The following ZFAND6 variants were observed in gnomAD, a reference collection of about 807,000 sequenced individuals.
ZFAND6 encodes AN1-type zinc finger protein 6.
A neutral mutation model predicts 24.5 loss-of-function variants in ZFAND6; 12 were observed. The ratio of observed to expected loss-of-function variants is 0.49; its 90% CI spans 0.31 to 0.79. ZFAND6 has a LOEUF of 0.79. Ranked by LOEUF, ZFAND6 falls within the 30% of genes least tolerant of loss-of-function variation. The pLI, the probability that ZFAND6 is intolerant of heterozygous loss-of-function variation, is 0.04. For synonymous variants in ZFAND6, 92 were observed against 81.5 expected, an observed-to-expected ratio of 1.13 and a Z score of -0.69; for missense variants, 207 against 245.9, an observed-to-expected ratio of 0.84 and a Z score of 1.06.
At chr15:80,092,681 C>T (rs544373245) in intron 1 of ZFAND6, among the ~76,000 whole-genome samples, 1 of 152,188 alleles carries the variant, frequency 6.6e-6, no homozygotes, top group South Asian at 2.1e-4. Flanking sequence ...TGAATGGGTT[C>T]ATTGACGGTG....
chr15:80,093,228 G>A (rs1306447851), intron 1 of ZFAND6, among the ~76,000 whole-genome samples: 1 of 151,384 alleles, frequency 6.6e-6, no homozygotes, highest in African/African-American at 2.4e-5. Context: ...GCCTCCCAAA[G>A]TACTGGGATT....
At chr15:80,102,299 A>G (rs561495727) in intron 2 of ZFAND6, among the ~76,000 whole-genome samples, 161 of 151,702 alleles carry the variant, frequency 1.1e-3, no homozygotes, top group African/African-American at 3.7e-3. Context: ...AGTAGAGACA[A>G]AGTTTTACCA....
At chr15:80,105,624 T>G (rs2039280683) in intron 2 of ZFAND6, among the ~76,000 whole-genome samples, 2 of 152,232 alleles carry the variant, frequency 1.3e-5, no homozygotes, top group Non-Finnish European at 1.5e-5. Context: ...GCATCATAAC[T>G]ATCTTAAATG....
At chr15:80,086,468 T>C (rs942016824) in intron 1 of ZFAND6, among the ~76,000 whole-genome samples, 12 of 152,256 alleles carry the variant, frequency 7.9e-5, no homozygotes, top group Non-Finnish European at 1.8e-4. Context: ...AACATTTCTG[T>C]CACCCAAAAT....
chr15:80,098,951 A>G (rs1358279442), intron 2 of ZFAND6, among the ~76,000 whole-genome samples: 1 of 152,018 alleles, frequency 6.6e-6, no homozygotes, highest in East Asian at 1.9e-4. Context: ...AACCATAAAA[A>G]AATTACTTGG....
At chr15:80,068,128 GTTT>G (rs60285625) in intron 1 of ZFAND6, among the ~76,000 whole-genome samples, 269 of 146,822 alleles carry the variant, frequency 1.8e-3, no homozygotes, top group Non-Finnish European at 3.2e-3. Flanking sequence ...CGCCTGGCCT[GTTT>G]TTTTTTTTTT....
intron 1 of ZFAND6, among the ~76,000 whole-genome samples, chr15:80,087,284 G>A (rs2038063167): frequency 6.6e-6 from 1 of 152,148 alleles, no homozygotes; most frequent in Non-Finnish European, 1.5e-5. Flanking sequence ...AGTCGTGCTT[G>A]GGAATTCTGT....
chr15:80,111,422 T>C, intron 2 of ZFAND6: 1 of 434,152 alleles, frequency 2.3e-6, no homozygotes, highest in Non-Finnish European at 4.6e-6. Context: ...TCTTCCTTAT[T>C]GACAGGTTTC....
chr15:80,132,216 G>T lies in ZFAND6; in HGVS notation c.478+923G>T, dbSNP rs555057836. Among the ~76,000 whole-genome samples the T allele has an allele frequency of 3.9e-5, 6 of 152,216 alleles. No homozygotes were observed. The East Asian group carries it at 1.2e-3, about 29-fold the overall frequency. Reference sequence around the variant, plus strand: ...ACATTGGAAAATTTTTTGGAGATTTGCAGCAATTGGAAAAAACTCACAGAT... The same window carrying T: ...ACATTGGAAAATTTTTTGGAGATTTTCAGCAATTGGAAAAAACTCACAGAT... On this transcript the variant is annotated intron_variant, in intron 6 of 6. Transcript: ENST00000261749.
chr15:80,109,864 T>C (rs1406600167), intron 2 of ZFAND6, among the ~76,000 whole-genome samples: 2 of 152,224 alleles, frequency 1.3e-5, no homozygotes, highest in Non-Finnish European at 2.9e-5. Context: ...ATTTATTATC[T>C]CACACAGTTT....
intron 2 of ZFAND6, among the ~76,000 whole-genome samples, chr15:80,106,919 A>G (rs2039357729): frequency 6.6e-6 from 1 of 152,206 alleles, no homozygotes; most frequent in Admixed American, 6.5e-5. Context: ...CAGAATCAAG[A>G]TTTAATAAAA....
chr15:80,132,594 A>G (rs996284636), intron 6 of ZFAND6, among the ~76,000 whole-genome samples: 4 of 152,340 alleles, frequency 2.6e-5, no homozygotes, highest in African/African-American at 9.6e-5. Context: ...AATGCCACAC[A>G]TTTTAATCGG....
At chr15:80,131,408 T>C in intron 6 of ZFAND6, 115 bp downstream of exon 6, 1 of 781,034 alleles carries the variant, frequency 1.3e-6, no homozygotes, top group South Asian at 2.8e-5. Flanking sequence ...TAATATTGGA[T>C]ATACTTCACC....
intron 1 of ZFAND6, among the ~76,000 whole-genome samples, chr15:80,086,696 T>C (rs1379170997): frequency 1.3e-5 from 2 of 152,268 alleles, no homozygotes. Flanking sequence ...TTAAACTGTT[T>C]TTAAATAGAC....
chr15:80,112,717 CAA>C, intron 2 of ZFAND6: 2 of 452,362 alleles, frequency 4.4e-6, no homozygotes, highest in East Asian at 7.0e-5. Flanking sequence ...ATCATCTCTG[CAA>C]AAAGGTTACT....
chr15:80,072,390 C>T (rs1596191962), intron 1 of ZFAND6, among the ~76,000 whole-genome samples: 3 of 152,174 alleles, frequency 2.0e-5, no homozygotes, highest in South Asian at 4.1e-4. Flanking sequence ...TGTACTGTTT[C>T]TTTAAGAAAC....
At chr15:80,125,036 A>G (rs564373321) in intron 5 of ZFAND6, among the ~76,000 whole-genome samples, 8 of 152,280 alleles carry the variant, frequency 5.3e-5, no homozygotes, top group South Asian at 4.1e-4. Flanking sequence ...CGATTTCCCT[A>G]TTGATCAAAT....
intron 1 of ZFAND6, among the ~76,000 whole-genome samples, chr15:80,085,111 T>A (rs1027289351): frequency 6.6e-6 from 1 of 152,206 alleles, no homozygotes; most frequent in East Asian, 1.9e-4. Flanking sequence ...CTTCCATACG[T>A]CATACCAGGA....
At chr15:80,070,588 A>G (rs1460083736) in intron 1 of ZFAND6, among the ~76,000 whole-genome samples, 1 of 152,198 alleles carries the variant, frequency 6.6e-6, no homozygotes, top group Non-Finnish European at 1.5e-5. Flanking sequence ...GAGATCTTAA[A>G]ATGATCCGGA....
Sources: gnomAD v4.1 joint callset for allele counts (sites outside exome capture counted in the v4.1 genomes callset) on GRCh38, gnomAD v4.1.1 for gene constraint, MANE v1.5 for transcripts, NCBI Gene and HGNC (gene_info 2026-07-23, HGNC 2026-07-21) for gene names.